The following PCDHA5 variants were observed in gnomAD, a reference collection of about 807,000 sequenced individuals.
The protein encoded by PCDHA5 is protocadherin alpha 5.
PCDHA5 carries 43 observed loss-of-function variants against 61.6 expected under a neutral mutation model. The ratio of observed to expected loss-of-function variants is 0.70; its 90% confidence interval spans 0.55 to 0.90. PCDHA5 has a LOEUF of 0.90. PCDHA5 is among the 40% of genes least tolerant of loss of function. PCDHA5 has a pLI of 0.00. For synonymous variants in PCDHA5, 627 were observed against 543.9 expected, an observed-to-expected ratio of 1.15 and a Z score of -2.13; for missense variants, 1,298 against 1,222.7, an observed-to-expected ratio of 1.06 and a Z score of -0.92.
At chr5:140,858,079 C>T in intron 1 of PCDHA5, 5 of 1,597,852 alleles carry the variant, frequency 3.1e-6, no homozygotes, top group Non-Finnish European at 4.3e-6. Context: ...CACCCAAGGC[C>T]TCGTCGCGGG....
chr5:140,852,052 A>G, intron 1 of PCDHA5: 1 of 915,096 alleles, frequency 1.1e-6, no homozygotes, highest in Non-Finnish European at 1.3e-6. Flanking sequence ...TATGTGGTTT[A>G]TATTTTTCTT....
In PCDHA5 at chr5:140,843,436, C is replaced by T; in HGVS notation, c.2352+19309C>T. On this transcript the variant is annotated intron_variant, in intron 1 of 3. Coordinates refer to ENST00000529859, the MANE Select transcript of PCDHA5 (RefSeq NM_018908.3). ...ACGTGTACCTGATCATCGCCATCTG[C>T]GCGGTATCCAGCCTGCTGGTGCTCA... 2.5e-6 allele frequency: 4 copies of T among 1,596,080 alleles called. 1 individual carries two copies. The highest frequency in any genetic ancestry group is 3.4e-6 in the Non-Finnish European group (4 of 1,165,610).
At chr5:140,851,427 T>C in intron 1 of PCDHA5, 2 of 945,324 alleles carry the variant, frequency 2.1e-6, no homozygotes, top group Non-Finnish European at 2.6e-6. Flanking sequence ...CCCTAAACTT[T>C]AGAAAACAGT....
In PCDHA5 at chr5:141,011,833, C is replaced by T. The variant is rs1223674434; in HGVS notation, c.*1896C>T. 6.5e-6 allele frequency: 1 copy of T among 153,366 alleles called. No individual in the cohort carries two copies. Among genetic ancestry groups the T allele is most frequent in the Non-Finnish European group, 1.5e-5 (1 of 67,994 alleles). 9.5% of individuals were successfully genotyped at this position (153,366 alleles called of 1,614,324 possible). On this transcript the variant is annotated 3_prime_UTR_variant, in exon 4 of 4. Transcript: ENST00000529859. ...TAGAAAGTAACAAAATTTGCTGTCA[C>T]CTTAAATAAGACATTTTAATTTTGT...
At chr5:140,895,851 C>T (rs2065201261) in intron 1 of PCDHA5, among the ~76,000 whole-genome samples, 1 of 152,078 alleles carries the variant, frequency 6.6e-6, no homozygotes, top group Admixed American at 6.6e-5. Flanking sequence ...CACTCTTGTA[C>T]CCCAGGCTGG....
In PCDHA5 at chr5:140,927,750, G is replaced by T. The variant is rs155819; in HGVS notation, c.2353-51199G>T. The T allele has an allele frequency of 1.4e-3, 2,310 of 1,614,204 alleles. 26 individuals carry two copies. In the African/African-American group the frequency reaches 0.026, roughly 18 times the overall value. On this transcript the variant is annotated intron_variant, in intron 1 of 3. Coordinates refer to ENST00000529859, the MANE Select transcript of PCDHA5 (RefSeq NM_018908.3). ...CAGAGCTGCGACACCGCTTTCACGT[G>T]CACCCTAAAAGTGGGGAGGTGCAAG...
intron 1 of PCDHA5, among the ~76,000 whole-genome samples, chr5:140,944,151 A>G (rs2093615419): frequency 6.6e-6 from 1 of 152,070 alleles, no homozygotes; most frequent in African/African-American, 2.4e-5. Flanking sequence ...GAAGAGTTGA[A>G]AATTAAAGGG....
At chr5:140,960,440 T>C (rs1304890095) in intron 1 of PCDHA5, among the ~76,000 whole-genome samples, 1 of 152,164 alleles carries the variant, frequency 6.6e-6, no homozygotes, top group Admixed American at 6.5e-5. Flanking sequence ...ACTCTAGATA[T>C]ATGTATGGAT....
chr5:140,828,762 G>A lies in PCDHA5; in HGVS notation c.2352+4635G>A, dbSNP rs2150158654. The stretch of plus-strand genomic sequence containing the variant: ...GATGGGGGCAAACCTGAGCTCACAG[G>A]CACTGTTCAGCTGCTGGTCACAGTG... On this transcript the variant is annotated intron_variant, in intron 1 of 3. Coordinates refer to ENST00000529859, the MANE Select transcript of PCDHA5 (RefSeq NM_018908.3). The A allele has an allele frequency of 3.1e-6, 5 of 1,614,070 alleles. 1 individual carries two copies. The South Asian group carries it at 4.4e-5, about 14-fold the overall frequency.
At chr5:140,922,023 T>C (rs1333266712) in intron 1 of PCDHA5, among the ~76,000 whole-genome samples, 3 of 152,086 alleles carry the variant, frequency 2.0e-5, no homozygotes, top group African/African-American at 7.2e-5. Context: ...AAAATAAATA[T>C]AAAAAATGTA....
At chr5:140,960,743 G>A (rs1328860955) in intron 1 of PCDHA5, among the ~76,000 whole-genome samples, 3 of 151,482 alleles carry the variant, frequency 2.0e-5, no homozygotes, top group Non-Finnish European at 4.4e-5. Flanking sequence ...TTTAGTCCAT[G>A]GCTAAAATCC....
intron 1 of PCDHA5, among the ~76,000 whole-genome samples, chr5:140,912,818 A>T (rs2076075875): frequency 6.6e-6 from 1 of 152,052 alleles, no homozygotes; most frequent in South Asian, 2.1e-4. Context: ...TCATAAAGGG[A>T]TTTTGAATTT....
At chr5:140,880,688 A>T (rs1033069078) in intron 1 of PCDHA5, among the ~76,000 whole-genome samples, 2 of 152,224 alleles carry the variant, frequency 1.3e-5, no homozygotes, top group East Asian at 3.8e-4. Flanking sequence ...GAGAATAGTC[A>T]TGGTTAAGTG....
At chr5:140,927,848 G>C (rs1295513512) in intron 1 of PCDHA5, 1 of 1,614,180 alleles carries the variant, frequency 6.2e-7, no homozygotes, top group African/African-American at 1.3e-5. Flanking sequence ...GGTGTCTTTG[G>C]TTTAGCTAGC....
chr5:140,877,516 G>A, intron 1 of PCDHA5: 1 of 1,613,816 alleles, frequency 6.2e-7, no homozygotes, highest in Non-Finnish European at 8.5e-7. Flanking sequence ...GTCGTCGCGG[G>A]CCTCAGTGGG....
intron 3 of PCDHA5, among the ~76,000 whole-genome samples, chr5:140,987,107 G>A (rs936936352): frequency 6.6e-6 from 1 of 151,876 alleles, no homozygotes; most frequent in Non-Finnish European, 1.5e-5. Flanking sequence ...CCAGCTACTC[G>A]GGAGGCTGAG....
At chr5:140,993,018 C>T (rs2097537347) in intron 3 of PCDHA5, among the ~76,000 whole-genome samples, 1 of 152,174 alleles carries the variant, frequency 6.6e-6, no homozygotes, top group African/African-American at 2.4e-5. Flanking sequence ...AGTCCAGCAT[C>T]CCCTGTGGGC....
rs140986120 is a variant in PCDHA5 at position 140,846,525 on chromosome 5, C to A, written c.2352+22398C>A. On this transcript the variant is annotated intron_variant, in intron 1 of 3. Coordinates refer to ENST00000529859, the MANE Select transcript of PCDHA5 (RefSeq NM_018908.3). ...AAGTAGCTGGGATTACAGGTGCATG[C>A]CACCATGCCCTGCTAATTTTTTGTA... 3.4e-5 allele frequency among the ~76,000 whole-genome samples: 5 copies of A among 148,378 alleles called. 1 individual carries two copies. The highest frequency in any genetic ancestry group is 1.2e-4 in the African/African-American group (5 of 40,594).
rs147906609 is a variant in PCDHA5 at position 140,848,609 on chromosome 5, A to G, written c.2352+24482A>G. The G allele has an allele frequency of 2.9e-3, 4,585 of 1,584,560 alleles. 516 individuals carry two copies. Among genetic ancestry groups the G allele is most frequent in the Middle Eastern group, 0.01 (58 of 5,734 alleles). On this transcript the variant is annotated intron_variant, in intron 1 of 3. Coordinates refer to ENST00000529859, the MANE Select transcript of PCDHA5 (RefSeq NM_018908.3). ...AGCTCCACTACTCCGTCCCGGAGGAAGCCGAACACGGCACCTTCGTGGGCC... is the reference window on the plus strand; with the variant it reads ...AGCTCCACTACTCCGTCCCGGAGGAGGCCGAACACGGCACCTTCGTGGGCC...
Sources: gnomAD v4.1 joint callset for allele counts (sites outside exome capture counted in the v4.1 genomes callset) on GRCh38, gnomAD v4.1.1 for gene constraint, MANE v1.5 for transcripts, NCBI Gene and HGNC (gene_info 2026-07-23, HGNC 2026-07-21) for gene names.